The following MED24 variants were observed in gnomAD, a reference collection of about 807,000 sequenced individuals.
The protein encoded by MED24 is mediator of RNA polymerase II transcription subunit 24.
A neutral mutation model predicts 118.8 loss-of-function variants in MED24; 74 were observed. The observed-to-expected ratio is 0.62, with a 90% confidence interval of 0.52 to 0.76. The LOEUF is 0.76. Ranked by LOEUF, MED24 falls within the 30% of genes least tolerant of loss-of-function variation. The pLI is 0.00. For missense variants in MED24, 1,041 were observed against 1,278.9 expected (o/e 0.81, Z 2.84); for synonymous variants, 521 against 523.9 (o/e 0.99, Z 0.08).
At chr17:40,038,068 G>A (rs895396770) in intron 3 of MED24, among the ~76,000 whole-genome samples, 18 of 152,246 alleles carry the variant, frequency 1.2e-4, no homozygotes, top group African/African-American at 4.3e-4. Context: ...GAAGACTGAC[G>A]ATAAAACAAA....
chr17:40,053,330 A>G lies in MED24; in HGVS notation c.181T>C (p.Leu61=), dbSNP rs1986042049. The G allele has an allele frequency of 1.2e-6, 2 of 1,612,438 alleles. No individual in the cohort carries two copies. The highest frequency in any genetic ancestry group is 4.5e-5 in the East Asian group (2 of 44,860). ...MIGPSPNPLI[L]SYLKYAISSQ... is the part of the protein sequence containing the mutation. Reference sequence around the variant, plus strand: ...CTAATGGCATACTTCAGGTAGGACAAGATGAGAGGATTGGGGGATGGTCCA... The same window carrying G: ...CTAATGGCATACTTCAGGTAGGACAGGATGAGAGGATTGGGGGATGGTCCA... Residue 61 remains leucine, a synonymous_variant, in exon 3 of 26, where the codon TTG becomes CTG. Coordinates refer to ENST00000394128, the MANE Select transcript of MED24 (RefSeq NM_014815.4).
intron 12 of MED24, among the ~76,000 whole-genome samples, chr17:40,030,653 T>C (rs959594690): frequency 3.3e-5 from 3 of 91,514 alleles, no homozygotes; most frequent in African/African-American, 1.2e-4. Flanking sequence ...TCAGGATTTT[T>C]ATTTATTTAT....
chr17:40,024,916 A>T (rs947204346), intron 19 of MED24, among the ~76,000 whole-genome samples: 2 of 151,838 alleles, frequency 1.3e-5, no homozygotes, highest in Non-Finnish European at 2.9e-5. Flanking sequence ...TTATATTTTT[A>T]GTAAGGCCAA....
chr17:40,025,469 A>C (rs1414073503), intron 19 of MED24, among the ~76,000 whole-genome samples: 3 of 152,166 alleles, frequency 2.0e-5, no homozygotes, highest in African/African-American at 7.2e-5. Flanking sequence ...ACAACAACAA[A>C]AAGTATAAAG....
chr17:40,031,948 T>G, intron 10 of MED24, 95 bp downstream of exon 10: 1 of 1,396,676 alleles, frequency 7.2e-7, no homozygotes. Context: ...CCGGCTCTCT[T>G]CCAGGCATGA....
chr17:40,052,799 C>T (rs1029953939), intron 3 of MED24, among the ~76,000 whole-genome samples: 2 of 152,062 alleles, frequency 1.3e-5, no homozygotes, highest in African/African-American at 2.4e-5. Flanking sequence ...ATATTCATCA[C>T]AACAAATGAA....
At position 40,036,108 on chromosome 17, in the gene MED24, G is replaced by T; in HGVS notation, c.252+8C>A. 1 of 1,610,222 alleles carries T rather than the reference G, an allele frequency of 6.2e-7. No individual in the cohort carries two copies. The highest frequency in any genetic ancestry group is 1.1e-5 in the South Asian group (1 of 91,000). ...CCCAATCTAGCTCCTGAGTGTCTAT[G>T]GTCATACCTTACTGATGGCTGTGAG... On this transcript the variant is annotated splice_region_variant and intron_variant, in intron 4 of 25. Transcript: ENST00000394128.
Position 40,033,355 on chromosome 17 carries a change from G to C in MED24, c.661C>G (p.Leu221Val). 1.2e-6 allele frequency: 2 copies of C among 1,613,148 alleles called. No individual in the cohort carries two copies. The highest frequency in any genetic ancestry group is 1.7e-6 in the Non-Finnish European group (2 of 1,179,656). The change falls in exon 7 of 26, where the codon CTC becomes GTC. Residue 221 changes from leucine (L) to valine (V), a missense_variant. Leu to Val is a conservative substitution (Grantham distance 32). Around this residue, in one of 3 missense-constraint regions of MED24, gnomAD observed 434 missense variants for 514.9 expected, o/e 0.84. Transcript: ENST00000394128. This position sits in a 1 kb window ranked among gnomAD's most constrained non-coding sequence, Gnocchi z 5.2. ...LRSQAEQCGT[L>V]IRSIPTMLSV... is the part of the protein sequence containing the mutation. Reference sequence around the variant, plus strand: ...CCAGGGAGCCGGTACCTCCTAATGAGGGTGCCACACTGCTCGGCCTGACTC... The same window carrying C: ...CCAGGGAGCCGGTACCTCCTAATGACGGTGCCACACTGCTCGGCCTGACTC...
intron 19 of MED24, among the ~76,000 whole-genome samples, chr17:40,025,410 G>C (rs1322102304): frequency 6.6e-6 from 1 of 152,190 alleles, no homozygotes; most frequent in Non-Finnish European, 1.5e-5. Flanking sequence ...TGAGGTTGCA[G>C]TGAGACTCAC....
At chr17:40,046,056 C>T (rs1340357877) in intron 3 of MED24, among the ~76,000 whole-genome samples, 7 of 149,896 alleles carry the variant, frequency 4.7e-5, no homozygotes, top group Admixed American at 1.3e-4. Flanking sequence ...GGATTACAGG[C>T]GTGAGCCATC....
At chr17:40,044,906 C>A (rs537709892) in intron 3 of MED24, among the ~76,000 whole-genome samples, 68 of 151,114 alleles carry the variant, frequency 4.5e-4, no homozygotes, top group Non-Finnish European at 9.3e-4. Context: ...TTATATCCAG[C>A]GTTGGCAAAG....
rs1983379030 is a variant in MED24, at chr17:40,031,537, C to T, written c.1067+1G>A. 3 of 1,613,664 alleles carry T rather than the reference C, an allele frequency of 1.9e-6. No homozygotes were observed. The highest frequency in any genetic ancestry group is 2.5e-6 in the Non-Finnish European group (3 of 1,179,682). ...GCGGGGGTGACCAGGGGAGCTCATA[C>T]TTGCAGCGCTGGTCAGCTTTGTCCA... On this transcript the variant is annotated splice_donor_variant, in intron 11 of 25. Transcript: ENST00000394128. LOFTEE classifies it high-confidence loss of function.
chr17:40,040,049 C>G lies in MED24; in HGVS notation c.214-3895G>C, dbSNP rs917131153. On this transcript the variant is annotated intron_variant, in intron 3 of 25. Transcript: ENST00000394128. ...CTGCCCACCTCGGCCTCCCAAAGTG[C>G]TGGGATTACAGGTGTGAGCCACCAT... is the stretch of plus-strand genomic sequence containing the variant. 2.0e-5 allele frequency among the ~76,000 whole-genome samples: 3 copies of G among 151,716 alleles called. No individual in the cohort carries two copies. In the East Asian group the frequency reaches 5.8e-4, roughly 30 times the overall value.
At chr17:40,029,925 T>A in intron 12 of MED24, 66 bp from the exon 13 acceptor site, 1 of 1,447,194 alleles carries the variant, frequency 6.9e-7, no homozygotes, top group South Asian at 1.1e-5. Context: ...ACACGTTCCC[T>A]CGTTCAAGCC....
chr17:40,022,563 C>T (rs1169569226), intron 21 of MED24, 79 bp from the exon 22 acceptor site: 2 of 1,598,444 alleles, frequency 1.3e-6, no homozygotes, highest in African/African-American at 1.3e-5. Flanking sequence ...CTCCCCAAAG[C>T]CCAGTCTCCC....
chr17:40,053,425 C>G, intron 2 of MED24, 44 bp downstream of exon 2: 2 of 1,613,600 alleles, frequency 1.2e-6, no homozygotes, highest in Non-Finnish European at 8.5e-7. Flanking sequence ...TACAACTTCT[C>G]TGGGTTTATC....
At chr17:40,032,868 T>C (rs1379496444) in intron 8 of MED24, 106 bp from the exon 9 acceptor site, 1 of 1,322,358 alleles carries the variant, frequency 7.6e-7, no homozygotes, top group Admixed American at 1.9e-5. Context: ...GCAGAGTCAC[T>C]GCTCAGCTAT....
At chr17:40,044,804 A>C (rs1984979356) in intron 3 of MED24, among the ~76,000 whole-genome samples, 1 of 149,008 alleles carries the variant, frequency 6.7e-6, no homozygotes, top group African/African-American at 2.5e-5. Context: ...GCGTGAATCC[A>C]GGAGGTGCAG....
At chr17:40,035,548 C>T (rs1983835027) in intron 5 of MED24, among the ~76,000 whole-genome samples, 174 bp downstream of exon 5, 1 of 152,072 alleles carries the variant, frequency 6.6e-6, no homozygotes, top group Admixed American at 6.5e-5. Context: ...AGAGAGGAGG[C>T]ACTCTGTCCT....
Sources: gnomAD v4.1 joint callset for allele counts (sites outside exome capture counted in the v4.1 genomes callset) on GRCh38, gnomAD v4.1.1 for gene constraint, gnomAD v4.1.1 regional missense constraint, Gnocchi (gnomAD v3.1) non-coding constraint, MANE v1.5 for transcripts, NCBI Gene and HGNC (gene_info 2026-07-23, HGNC 2026-07-21) for gene names.